The following RAD21 variants were observed in gnomAD, a reference collection of about 807,000 sequenced individuals.
The protein encoded by RAD21 is RAD21 cohesin complex component, also known as double-strand-break repair protein rad21 homolog.
In RAD21, 18 loss-of-function variants were observed where a neutral mutation model predicts 71.5. That is an observed-to-expected ratio of 0.25 (90% CI 0.17 to 0.37). The LOEUF is 0.37. Ranked by LOEUF, RAD21 falls within the 10% of genes least tolerant of loss-of-function variation. The probability of loss-of-function intolerance (pLI) is 1.00; values close to 1 mark genes in which losing one functional copy is unlikely to be tolerated. For synonymous variants in RAD21, 248 were observed against 254.0 expected (o/e 0.98, Z 0.22); for missense variants, 493 against 769.1 (o/e 0.64, Z 4.25).
At chr8:116,853,030 T>G (rs183618214) in intron 9 of RAD21, among the ~76,000 whole-genome samples, 1 of 152,334 alleles carries the variant, frequency 6.6e-6, no homozygotes, top group Non-Finnish European at 1.5e-5. Context: ...CAAAATAGCT[T>G]TAAATTGTGT....
At chr8:116,866,444 G>A (rs1330938089) in intron 2 of RAD21, 142 bp downstream of exon 2, 1 of 649,800 alleles carries the variant, frequency 1.5e-6, no homozygotes, top group Non-Finnish European at 2.5e-6. Flanking sequence ...GAGGTGATAA[G>A]GACTTCACAT....
chr8:116,870,371 A>T (rs1422846689), intron 1 of RAD21, among the ~76,000 whole-genome samples: 3 of 152,238 alleles, frequency 2.0e-5, no homozygotes, highest in Non-Finnish European at 4.4e-5. Flanking sequence ...TATTTTTTAA[A>T]AAAAAGAAAT....
chr8:116,860,612 G>A, intron 4 of RAD21, among the ~76,000 whole-genome samples: 1 of 152,034 alleles, frequency 6.6e-6, no homozygotes. Flanking sequence ...TTTAAGATAA[G>A]CTCACTGCTT....
At chr8:116,870,400 T>C (rs964657741) in intron 1 of RAD21, among the ~76,000 whole-genome samples, 2 of 152,216 alleles carry the variant, frequency 1.3e-5, no homozygotes, top group African/African-American at 2.4e-5. Context: ...GAAGAAATAC[T>C]ATATTCTATA....
At position 116,846,594 on chromosome 8, in the gene RAD21, G is replaced by A. The variant is rs1276917263; in HGVS notation, c.*906C>T. On this transcript the variant is annotated 3_prime_UTR_variant, in exon 14 of 14. Coordinates refer to ENST00000297338, the MANE Select transcript of RAD21 (RefSeq NM_006265.3). ...AGAAGCCGTTAGTTTTTACAGCATC[G>A]TCTGCTTAAAAGCTAAGTTGACCAG... The A allele has an allele frequency of 1.8e-5, 4 of 228,256 alleles. No homozygotes were observed. Among genetic ancestry groups the A allele is most frequent in the South Asian group, 1.8e-4 (1 of 5,494 alleles). The allele number at this position is 228,256 out of a possible 1,614,324, so 14.1% of individuals were successfully genotyped here.
intron 9 of RAD21, among the ~76,000 whole-genome samples, chr8:116,853,080 TA>T (rs1812388772): frequency 6.6e-6 from 1 of 152,106 alleles, no homozygotes; most frequent in African/African-American, 2.4e-5. Flanking sequence ...AGCTATCATT[TA>T]AACTATTTTT....
At chr8:116,871,266 GA>G (rs1363979320) in intron 1 of RAD21, among the ~76,000 whole-genome samples, 15 of 151,918 alleles carry the variant, frequency 9.9e-5, no homozygotes, top group African/African-American at 3.6e-4. Flanking sequence ...AATCCTTTAT[GA>G]AAACCCTGTG....
chr8:116,865,401 C>T (rs1812669050), intron 2 of RAD21, among the ~76,000 whole-genome samples: 4 of 151,490 alleles, frequency 2.6e-5, no homozygotes, highest in Non-Finnish European at 2.9e-5. Flanking sequence ...ACGATTTCTA[C>T]GTTTTCCATT....
chr8:116,862,376 CA>C (rs899236497), intron 3 of RAD21, among the ~76,000 whole-genome samples: 83 of 151,174 alleles, frequency 5.5e-4, no homozygotes, highest in Non-Finnish European at 1.0e-3. Flanking sequence ...CTTTGAAAGA[CA>C]AAAAAAAGCA....
intron 2 of RAD21, among the ~76,000 whole-genome samples, chr8:116,863,598 T>A (rs1368224620): frequency 1.3e-5 from 2 of 152,106 alleles, no homozygotes; most frequent in Non-Finnish European, 2.9e-5. Flanking sequence ...GTCCCCCACA[T>A]TGACAGATGT....
At chr8:116,864,813 G>A (rs2130482269) in intron 2 of RAD21, among the ~76,000 whole-genome samples, 1 of 152,182 alleles carries the variant, frequency 6.6e-6, no homozygotes, top group Middle Eastern at 3.4e-3. Flanking sequence ...ATGAGGTATG[G>A]CATATGTTTT....
chr8:116,853,867 C>T (rs1192667192), intron 9 of RAD21, among the ~76,000 whole-genome samples: 1 of 152,108 alleles, frequency 6.6e-6, no homozygotes, highest in African/African-American at 2.4e-5. Context: ...AACAAAAAAC[C>T]TCCTGAAGCC....
intron 3 of RAD21, among the ~76,000 whole-genome samples, chr8:116,862,628 G>T (rs1812612922): frequency 6.6e-6 from 1 of 151,998 alleles, no homozygotes; most frequent in Non-Finnish European, 1.5e-5. Flanking sequence ...ATTATAGAAA[G>T]ATATGTGAAT....
chr8:116,859,885 C>A (rs944441620), intron 4 of RAD21, among the ~76,000 whole-genome samples: 1 of 152,034 alleles, frequency 6.6e-6, no homozygotes, highest in Non-Finnish European at 1.5e-5. Context: ...CACCAAACAG[C>A]CAAGTTTTGA....
At position 116,846,934 on chromosome 8, in the gene RAD21, C is replaced by T. The variant is rs530923548; in HGVS notation, c.*566G>A. 4.7e-5 allele frequency: 10 copies of T among 214,922 alleles called. No individual in the cohort carries two copies. The South Asian group carries it at 1.5e-3, about 32-fold the overall frequency. The allele number at this position is 214,922 out of a possible 1,614,324, so 13.3% of individuals were successfully genotyped here. On this transcript the variant is annotated 3_prime_UTR_variant, in exon 14 of 14. Coordinates refer to ENST00000297338, the MANE Select transcript of RAD21 (RefSeq NM_006265.3). The stretch of plus-strand genomic sequence containing the variant: ...AAGGCTATCAGTCATAACACAATTT[C>T]GCGTACACCTCTGCTCATTATGGAA...
In RAD21 at chr8:116,847,138, A is replaced by G. The variant is rs917235540; in HGVS notation, c.*362T>C. 8 of 245,994 alleles carry G rather than the reference A, an allele frequency of 3.3e-5. No homozygotes were observed. Among genetic ancestry groups the G allele is most frequent in the African/African-American group, 1.3e-4 (6 of 45,762 alleles). The allele number at this position is 245,994 out of a possible 1,614,324, so 15.2% of individuals were successfully genotyped here. On this transcript the variant is annotated 3_prime_UTR_variant, in exon 14 of 14. Coordinates refer to ENST00000297338, the MANE Select transcript of RAD21 (RefSeq NM_006265.3). ...ATTAAACTGTCAGGCATTTTCTCAGACAGGTTTTCCTTTTCAATGCAGTAA... is the reference window on the plus strand; with the variant it reads ...ATTAAACTGTCAGGCATTTTCTCAGGCAGGTTTTCCTTTTCAATGCAGTAA...
At chr8:116,871,296 T>C (rs578208982) in intron 1 of RAD21, among the ~76,000 whole-genome samples, 21 of 152,324 alleles carry the variant, frequency 1.4e-4, no homozygotes, top group African/African-American at 5.1e-4. Flanking sequence ...CTGCATTTGA[T>C]ACCAGAGCAC....
intron 6 of RAD21, 104 bp downstream of exon 6, chr8:116,857,163 T>C: frequency 1.1e-6 from 1 of 939,614 alleles, no homozygotes; most frequent in Admixed American, 2.3e-5. Flanking sequence ...CACTCATATA[T>C]ATCTAAAAGC....
chr8:116,858,554 T>G (rs555355758), intron 4 of RAD21, 96 bp from the exon 5 acceptor site: 2 of 886,372 alleles, frequency 2.3e-6, no homozygotes, highest in African/African-American at 1.7e-5. Context: ...AAAATATATA[T>G]GTATAACCCA....
Sources: gnomAD v4.1 joint callset for allele counts (sites outside exome capture counted in the v4.1 genomes callset) on GRCh38, gnomAD v4.1.1 for gene constraint, MANE v1.5 for transcripts, NCBI Gene and HGNC (gene_info 2026-07-23, HGNC 2026-07-21) for gene names.